The following KCNMA1 variants were observed in gnomAD, a reference collection of about 807,000 sequenced individuals.
KCNMA1 encodes potassium calcium-activated channel subfamily M alpha 1.
Under a neutral mutation model 140.0 loss-of-function variants are expected in KCNMA1, and 29 were observed. The observed-to-expected ratio is 0.21, with a 90% CI of 0.15 to 0.28. KCNMA1 has a LOEUF of 0.28. Among genes scored for constraint, KCNMA1 ranks in the 10% least tolerant of loss-of-function variants. The pLI, the probability that KCNMA1 is intolerant of heterozygous loss-of-function variation, is 1.00. For missense variants in KCNMA1, 880 were observed against 1,602.2 expected, an observed-to-expected ratio of 0.55 and a Z score of 7.70; for synonymous variants, 612 against 611.9, an observed-to-expected ratio of 1.00 and a Z score of 0.00.
At chr10:76,947,686 A>T (rs2064586846) in intron 22 of KCNMA1, among the ~76,000 whole-genome samples, 1 of 152,214 alleles carries the variant, frequency 6.6e-6, no homozygotes, top group South Asian at 2.1e-4. Context: ...GCCTGTGCTC[A>T]CTAAGGCAGT....
intron 1 of KCNMA1, among the ~76,000 whole-genome samples, chr10:77,618,820 T>C (rs2154569248): frequency 6.6e-6 from 1 of 152,306 alleles, no homozygotes; most frequent in South Asian, 2.1e-4. Flanking sequence ...ACATAGGGAC[T>C]TTCTTCTCTA....
At chr10:77,574,621 G>T (rs1469578833) in intron 1 of KCNMA1, among the ~76,000 whole-genome samples, 1 of 152,174 alleles carries the variant, frequency 6.6e-6, no homozygotes, top group East Asian at 1.9e-4. Flanking sequence ...ATGACCACTA[G>T]GGCATTTATC....
At chr10:77,241,514 G>A (rs2057276320) in intron 3 of KCNMA1, among the ~76,000 whole-genome samples, 1 of 151,892 alleles carries the variant, frequency 6.6e-6, no homozygotes, top group Non-Finnish European at 1.5e-5. Flanking sequence ...TGGGCATGAT[G>A]GTGCCCAGCT....
At chr10:77,449,177 T>C (rs1409588826) in intron 1 of KCNMA1, among the ~76,000 whole-genome samples, 2 of 151,360 alleles carry the variant, frequency 1.3e-5, no homozygotes, top group African/African-American at 4.8e-5. Flanking sequence ...CTGAAAAAAA[T>C]AAGCAGAGAC....
At chr10:77,403,721 G>C in intron 2 of KCNMA1, 141 bp downstream of exon 2, 1 of 740,468 alleles carries the variant, frequency 1.4e-6, no homozygotes, top group Admixed American at 2.8e-5. Context: ...CCATGACCAC[G>C]CGGGAGCACT....
At chr10:76,914,907 C>T (rs1226615874) in intron 24 of KCNMA1, 29 bp downstream of exon 24, 23 of 1,488,238 alleles carry the variant, frequency 1.5e-5, no homozygotes, top group Admixed American at 5.0e-5. Context: ...AGAACAAAAA[C>T]TCCCCCCAAA....
intron 5 of KCNMA1, among the ~76,000 whole-genome samples, chr10:77,138,567 C>A (rs1231977564): frequency 6.6e-6 from 1 of 152,236 alleles, no homozygotes; most frequent in Admixed American, 6.5e-5. Context: ...CCAGTCCCCC[C>A]AGGCCCCACC....
At chr10:76,960,613 GTTTTGTTTTTTTT>G (rs2070852809) in intron 20 of KCNMA1, among the ~76,000 whole-genome samples, 1 of 94,992 alleles carries the variant, frequency 1.1e-5, no homozygotes, top group African/African-American at 4.1e-5. Flanking sequence ...AGATATTATG[GTTTTGTTTTTTTT>G]TTTTTTTTTT....
chr10:77,056,817 T>C (rs1490873557), intron 14 of KCNMA1, among the ~76,000 whole-genome samples: 1 of 152,100 alleles, frequency 6.6e-6, no homozygotes, highest in Non-Finnish European at 1.5e-5. Context: ...GCAAAGATGA[T>C]GGAGGGAAGA....
At chr10:77,066,223 G>A (rs1384441603) in intron 14 of KCNMA1, among the ~76,000 whole-genome samples, 2 of 152,186 alleles carry the variant, frequency 1.3e-5, no homozygotes, top group Non-Finnish European at 2.9e-5. Flanking sequence ...GGAGGCTGGT[G>A]TAATATTCTA....
At chr10:76,971,375 T>C (rs1173604721) in intron 19 of KCNMA1, among the ~76,000 whole-genome samples, 1 of 152,212 alleles carries the variant, frequency 6.6e-6, no homozygotes, top group East Asian at 1.9e-4. Flanking sequence ...ATGCATTATA[T>C]GGTACTTCCC....
chr10:77,575,015 G>A (rs185054703), intron 1 of KCNMA1, among the ~76,000 whole-genome samples: 1 of 152,200 alleles, frequency 6.6e-6, no homozygotes, highest in African/African-American at 2.4e-5. Flanking sequence ...CTAGCCCTTG[G>A]GAGGCAAAGC....
chr10:77,514,282 G>A (rs1011474114), intron 1 of KCNMA1, among the ~76,000 whole-genome samples: 1 of 152,182 alleles, frequency 6.6e-6, no homozygotes, highest in African/African-American at 2.4e-5. Context: ...CAGAAGATGC[G>A]GGCAAACACC....
intron 1 of KCNMA1, among the ~76,000 whole-genome samples, chr10:77,486,699 T>G (rs2098464734): frequency 6.6e-6 from 1 of 152,184 alleles, no homozygotes; most frequent in Admixed American, 6.5e-5. Context: ...CCAGGGAGGA[T>G]GAGAGGGTGT....
intron 1 of KCNMA1, chr10:77,433,606 T>C (rs1297431920): frequency 2.0e-5 from 3 of 152,276 alleles, no homozygotes; most frequent in Middle Eastern, 3.2e-3. Flanking sequence ...TCAAAATCTT[T>C]CATAGAATCA....
chr10:76,904,729 A>T (rs1176375242), intron 25 of KCNMA1: 1 of 152,170 alleles, frequency 6.6e-6, no homozygotes, highest in African/African-American at 2.4e-5. Flanking sequence ...CTGTTTAGGA[A>T]AGGTCCAAGG....
Position 77,464,826 on chromosome 10 carries a change from A to G in KCNMA1, c.379-60803T>C, listed in dbSNP as rs1294901063. Among the ~76,000 whole-genome samples, 3 of 152,234 alleles carry G rather than the reference A, an allele frequency of 2.0e-5. No individual in the cohort carries two copies. The East Asian group carries it at 5.8e-4, about 29-fold the overall frequency. ...ATTGCCTGAGTTGGACAGAGTTAAG[A>G]GGATAAATCTGGGAGGATATGATAT... On this transcript the variant is annotated intron_variant, in intron 1 of 27. Transcript: ENST00000286628.
At chr10:76,989,728 T>C (rs2082225086) in intron 19 of KCNMA1, among the ~76,000 whole-genome samples, 1 of 152,106 alleles carries the variant, frequency 6.6e-6, no homozygotes, top group Non-Finnish European at 1.5e-5. Flanking sequence ...GCTGTTCAAC[T>C]CTCAGCCACT....
intron 1 of KCNMA1, among the ~76,000 whole-genome samples, chr10:77,406,936 T>C (rs2096489204): frequency 6.6e-6 from 1 of 151,938 alleles, no homozygotes; most frequent in Non-Finnish European, 1.5e-5. Context: ...GAAATCAACG[T>C]GAAAAAGGCT....
Sources: allele counts gnomAD v4.1 joint callset (sites outside exome capture counted in the v4.1 genomes callset), GRCh38; gene constraint gnomAD v4.1.1; transcripts MANE v1.5; gene names NCBI Gene and HGNC (gene_info 2026-07-23, HGNC 2026-07-21).